DCLK1: variants seen among roughly 807,000 people sequenced by gnomAD.
The protein encoded by DCLK1 is doublecortin like kinase 1.
A neutral mutation model predicts 86.2 loss-of-function variants in DCLK1; 16 were observed. The ratio of observed to expected loss-of-function variants is 0.19; its 90% CI spans 0.13 to 0.28. The LOEUF (loss-of-function observed/expected upper bound fraction) is 0.28, where lower values mean the gene tolerates loss of function less well. Ranked by LOEUF, DCLK1 falls within the 10% of genes least tolerant of loss-of-function variation. The pLI is 1.00. For missense variants in DCLK1, 590 were observed against 940.2 expected, an observed-to-expected ratio of 0.63 and a Z score of 4.87; for synonymous variants, 369 against 370.5, an observed-to-expected ratio of 1.00 and a Z score of 0.05.
chr13:35,947,546 C>G, intron 3 of DCLK1, 89 bp from the exon 4 acceptor site: 2 of 1,016,796 alleles, frequency 2.0e-6, no homozygotes, highest in South Asian at 3.2e-5. Context: ...GCATAAAGCC[C>G]CTTCCCACCT....
chr13:35,890,215 A>G (rs1018910406), intron 4 of DCLK1, among the ~76,000 whole-genome samples: 1 of 152,210 alleles, frequency 6.6e-6, no homozygotes, highest in Non-Finnish European at 1.5e-5. Flanking sequence ...AATACGCTAT[A>G]GATAACAATT....
intron 4 of DCLK1, among the ~76,000 whole-genome samples, chr13:35,906,503 T>C: frequency 6.6e-6 from 1 of 152,178 alleles, no homozygotes; most frequent in East Asian, 1.9e-4. Context: ...GCATTTGTGC[T>C]AGATTTTGAT....
At chr13:35,797,465 C>T (rs535080039) in intron 15 of DCLK1, among the ~76,000 whole-genome samples, 2 of 152,252 alleles carry the variant, frequency 1.3e-5, no homozygotes, top group East Asian at 3.9e-4. Context: ...GATACTGGGG[C>T]CTGGAGGTGA....
chr13:36,064,443 G>A (rs970836333), intron 3 of DCLK1, among the ~76,000 whole-genome samples: 1 of 152,056 alleles, frequency 6.6e-6, no homozygotes, highest in Non-Finnish European at 1.5e-5. Flanking sequence ...GGCGGATCAC[G>A]AGGTCAGGAG....
chr13:36,038,367 G>A (rs182014543), intron 3 of DCLK1, among the ~76,000 whole-genome samples: 1 of 152,294 alleles, frequency 6.6e-6, no homozygotes, highest in Admixed American at 6.5e-5. Context: ...CCTCCCAGGG[G>A]CAGGGCAGAG....
At chr13:35,796,945 A>G (rs536672323) in intron 15 of DCLK1, among the ~76,000 whole-genome samples, 1 of 152,324 alleles carries the variant, frequency 6.6e-6, no homozygotes, top group South Asian at 2.1e-4. Flanking sequence ...GGTGGTCAAT[A>G]AAAGAGACGC....
intron 3 of DCLK1, among the ~76,000 whole-genome samples, chr13:36,004,054 T>C (rs962636803): frequency 6.6e-6 from 1 of 152,190 alleles, no homozygotes; most frequent in East Asian, 1.9e-4. Flanking sequence ...AGATTAAATA[T>C]AAAAAGTCAT....
At chr13:35,943,354 C>T (rs1566613725) in intron 4 of DCLK1, among the ~76,000 whole-genome samples, 1 of 152,118 alleles carries the variant, frequency 6.6e-6, no homozygotes, top group Non-Finnish European at 1.5e-5. Context: ...GACTTCTTGC[C>T]TTCAGAACTG....
At chr13:36,020,473 T>C (rs1881728461) in intron 3 of DCLK1, among the ~76,000 whole-genome samples, 1 of 152,180 alleles carries the variant, frequency 6.6e-6, no homozygotes, top group African/African-American at 2.4e-5. Context: ...ATTAAACAGC[T>C]GACTCTAAGG....
At chr13:35,928,423 C>A (rs904836620) in intron 4 of DCLK1, among the ~76,000 whole-genome samples, 2 of 152,180 alleles carry the variant, frequency 1.3e-5, no homozygotes, top group Admixed American at 6.5e-5. Context: ...TCCTGCATGG[C>A]TGGCTCCATT....
intron 3 of DCLK1, among the ~76,000 whole-genome samples, chr13:36,037,942 T>C (rs570460289): frequency 4.8e-4 from 73 of 152,186 alleles, no homozygotes; most frequent in Non-Finnish European, 8.1e-4. Context: ...TGGCTTATAA[T>C]GTGTCAGAGA....
At chr13:35,911,706 T>C (rs752231339) in intron 4 of DCLK1, among the ~76,000 whole-genome samples, 4 of 152,200 alleles carry the variant, frequency 2.6e-5, no homozygotes, top group Non-Finnish European at 5.9e-5. Flanking sequence ...ATCTGAACAA[T>C]TTCTTGTTCT....
chr13:36,096,006 T>A lies in DCLK1; in HGVS notation c.723+15863A>T, dbSNP rs11838694. On this transcript the variant is annotated intron_variant, in intron 3 of 16. Coordinates refer to ENST00000360631, the MANE Select transcript of DCLK1 (RefSeq NM_001330071.2). Reference sequence around the variant, plus strand: ...TTTCAATTTAATAATAAGACCTATATAATAAAGCCCCCAAAAGAGAGGGTT... The same window carrying A: ...TTTCAATTTAATAATAAGACCTATAAAATAAAGCCCCCAAAAGAGAGGGTT... Among the ~76,000 whole-genome samples the A allele has an allele frequency of 4.6e-3, 697 of 152,296 alleles. 4 individuals are homozygous for A. The highest frequency in any genetic ancestry group is 0.017 in the Middle Eastern group (5 of 294).
chr13:35,964,951 T>A (rs1000397890), intron 3 of DCLK1, among the ~76,000 whole-genome samples: 2 of 152,158 alleles, frequency 1.3e-5, no homozygotes, highest in Non-Finnish European at 2.9e-5. Context: ...GTTGAGTAGT[T>A]GCAACAGAGA....
At chr13:35,855,436 A>G in intron 5 of DCLK1, 3 of 1,423,844 alleles carry the variant, frequency 2.1e-6, no homozygotes, top group South Asian at 1.2e-5. Context: ...AGAATTAACC[A>G]GGAGACACAT....
chr13:36,118,309 G>C (rs1437268688), intron 2 of DCLK1, among the ~76,000 whole-genome samples: 3 of 152,092 alleles, frequency 2.0e-5, no homozygotes, highest in African/African-American at 7.2e-5. Flanking sequence ...TGAATGTTAC[G>C]TATCCACACT....
At chr13:36,100,299 G>A (rs2138159453) in intron 3 of DCLK1, among the ~76,000 whole-genome samples, 1 of 151,688 alleles carries the variant, frequency 6.6e-6, no homozygotes, top group East Asian at 1.9e-4. Context: ...GAATTGCTTG[G>A]GCCCAGGAGG....
chr13:35,850,145 CA>C, intron 6 of DCLK1: 1 of 984,944 alleles, frequency 1.0e-6, no homozygotes, highest in Non-Finnish European at 1.2e-6. Context: ...TACTAACCCA[CA>C]AAACAGTAAG....
chr13:36,124,931 G>A (rs570517713), intron 2 of DCLK1, among the ~76,000 whole-genome samples: 155 of 152,104 alleles, frequency 1.0e-3, no homozygotes, highest in African/African-American at 3.3e-3. Context: ...CATTTTAATT[G>A]GCGATGATTT....
Sources: gnomAD v4.1 joint callset for allele counts (sites outside exome capture counted in the v4.1 genomes callset) on GRCh38, gnomAD v4.1.1 for gene constraint, MANE v1.5 for transcripts, NCBI Gene and HGNC (gene_info 2026-07-23, HGNC 2026-07-21) for gene names.